CSTPP1: variants seen among roughly 807,000 people sequenced by gnomAD.
The protein encoded by CSTPP1 is UPF0705 protein C11orf49.
chr11:47,136,598 CAGG>C, the CSTPP1 span, among the ~76,000 whole-genome samples: 1 of 152,114 alleles, frequency 6.6e-6, no homozygotes, highest in African/African-American at 2.4e-5. Flanking sequence ...CTAACGGGGG[CAGG>C]AGATCTGGAT....
At chr11:47,101,955 A>G in the CSTPP1 span, among the ~76,000 whole-genome samples, 1 of 152,300 alleles carries the variant, frequency 6.6e-6, no homozygotes, top group East Asian at 1.9e-4. Flanking sequence ...CTAACCTCTC[A>G]ATATGATCAT....
At chr11:46,942,602 T>G in the CSTPP1 span, among the ~76,000 whole-genome samples, 3 of 152,212 alleles carry the variant, frequency 2.0e-5, no homozygotes, top group African/African-American at 7.2e-5. Flanking sequence ...CCTTTCTCCT[T>G]TGGGGACTAG....
chr11:46,975,629 T>G, the CSTPP1 span, among the ~76,000 whole-genome samples: 7 of 152,334 alleles, frequency 4.6e-5, no homozygotes, highest in Non-Finnish European at 8.8e-5. Flanking sequence ...AAATGAAATG[T>G]TGGCTTTATG....
the CSTPP1 span, among the ~76,000 whole-genome samples, chr11:46,985,746 A>G: frequency 6.6e-6 from 1 of 152,226 alleles, no homozygotes; most frequent in Non-Finnish European, 1.5e-5. Flanking sequence ...TACCAAACAC[A>G]TAGTGGTGTT....
chr11:46,994,476 T>C, the CSTPP1 span, among the ~76,000 whole-genome samples: 2 of 152,222 alleles, frequency 1.3e-5, no homozygotes, highest in Admixed American at 6.5e-5. Context: ...TTGAGAGTTT[T>C]TAGCAGGAAG....
At chr11:47,115,816 T>C in the CSTPP1 span, among the ~76,000 whole-genome samples, 1 of 152,068 alleles carries the variant, frequency 6.6e-6, no homozygotes, top group Non-Finnish European at 1.5e-5. Context: ...TCTCTATCTC[T>C]TTCAGTTCTG....
the CSTPP1 span, chr11:47,155,214 C>G: frequency 6.2e-7 from 1 of 1,613,896 alleles, no homozygotes. Context: ...TGCTTGATGT[C>G]TTTTTCAGAT....
the CSTPP1 span, among the ~76,000 whole-genome samples, chr11:47,089,321 A>G: frequency 3.9e-3 from 590 of 152,308 alleles, 2 homozygotes; most frequent in Non-Finnish European, 4.4e-3. Context: ...TTATATGTGT[A>G]TATATATATT....
chr11:47,141,932 CA>C, the CSTPP1 span, among the ~76,000 whole-genome samples: 3,454 of 37,772 alleles, frequency 0.091, 30 homozygotes, highest in Middle Eastern at 0.12. Context: ...GACTCTGTCT[CA>C]AAAAAAAAAA....
chr11:47,022,358 CTTTTTTTTTTTTTTT>C, the CSTPP1 span, among the ~76,000 whole-genome samples: 6 of 48,754 alleles, frequency 1.2e-4, 1 homozygote, highest in Admixed American at 6.1e-4. Flanking sequence ...TTCATATGTC[CTTTTTTTTTTTTTTT>C]TTTTTTTTTT....
the CSTPP1 span, among the ~76,000 whole-genome samples, chr11:46,964,574 C>T: frequency 2.6e-5 from 4 of 152,300 alleles, no homozygotes; most frequent in Admixed American, 6.5e-5. Context: ...CGTGAGCCAC[C>T]GCGCCTGGCC....
chr11:47,010,919 A>G, the CSTPP1 span, among the ~76,000 whole-genome samples: 1 of 152,190 alleles, frequency 6.6e-6, no homozygotes, highest in African/African-American at 2.4e-5. Context: ...GAGAAGATGT[A>G]TTACTAAGTA....
chr11:47,094,206 C>T, the CSTPP1 span, among the ~76,000 whole-genome samples: 12,925 of 152,144 alleles, frequency 0.085, 1,821 homozygotes, highest in African/African-American at 0.29. Flanking sequence ...GACATGTGCT[C>T]TCCAATATGT....
At chr11:47,024,274 G>A in the CSTPP1 span, among the ~76,000 whole-genome samples, 11 of 151,954 alleles carry the variant, frequency 7.2e-5, no homozygotes, top group South Asian at 2.1e-4. Context: ...ATGTTACCCA[G>A]GCTGGTCTCA....
chr11:46,966,103 C>T, the CSTPP1 span, among the ~76,000 whole-genome samples: 30 of 152,206 alleles, frequency 2.0e-4, no homozygotes, highest in African/African-American at 6.0e-4. Flanking sequence ...AGTTCAGTGG[C>T]GTGATCTTGG....
At chr11:47,038,711 G>A in the CSTPP1 span, among the ~76,000 whole-genome samples, 1 of 125,040 alleles carries the variant, frequency 8.0e-6, no homozygotes, top group African/African-American at 2.5e-5. Flanking sequence ...CGGACGAGGT[G>A]GCTCCCGGGC....
the CSTPP1 span, chr11:47,164,268 CTGGG>C: frequency 6.2e-7 from 1 of 1,607,710 alleles, no homozygotes; most frequent in Non-Finnish European, 8.5e-7. Context: ...GGGGCCGGCA[CTGGG>C]CAGGGAGGCA....
the CSTPP1 span, among the ~76,000 whole-genome samples, chr11:47,021,604 C>T: frequency 5.9e-5 from 9 of 152,076 alleles, no homozygotes; most frequent in Non-Finnish European, 1.3e-4. Flanking sequence ...ATCAAAAGGC[C>T]TCTGTTGTTT....
the CSTPP1 span, among the ~76,000 whole-genome samples, chr11:46,973,526 A>G: frequency 1.3e-5 from 2 of 152,194 alleles, no homozygotes; most frequent in African/African-American, 2.4e-5. Flanking sequence ...TTCTGTGCCA[A>G]CATCCTCACC....
Sources: gnomAD v4.1 joint callset for allele counts (sites outside exome capture counted in the v4.1 genomes callset) on GRCh38, gnomAD v4.1.1 for gene constraint, MANE v1.5 for transcripts, NCBI Gene and HGNC (gene_info 2026-07-23, HGNC 2026-07-21) for gene names.